Variants in TENM3 observed in about 807,000 individuals in gnomAD.
TENM3 encodes the protein teneurin transmembrane protein 3.
A neutral mutation model predicts 255.1 loss-of-function variants in TENM3; 63 were observed. The ratio of observed to expected loss-of-function variants is 0.25; its 90% CI spans 0.20 to 0.30. The LOEUF is 0.30. Ranked by LOEUF, TENM3 falls within the 10% of genes least tolerant of loss-of-function variation. The pLI is 1.00. For missense variants in TENM3, 2,929 were observed against 3,461.1 expected, an observed-to-expected ratio of 0.85 and a Z score of 3.86; for synonymous variants, 1,306 against 1,322.3, an observed-to-expected ratio of 0.99 and a Z score of 0.27.
chr4:181,477,320 T>A, the TENM3 span, among the ~76,000 whole-genome samples: 1 of 152,164 alleles, frequency 6.6e-6, no homozygotes, highest in South Asian at 2.1e-4. Context: ...TAGCTGTAAT[T>A]TTCATACTTG....
chr4:182,176,487 T>C (rs1752494801), intron 1 of TENM3, among the ~76,000 whole-genome samples: 1 of 152,262 alleles, frequency 6.6e-6, no homozygotes, highest in African/African-American at 2.4e-5. Flanking sequence ...TTATTATTAC[T>C]GTTATTATAG....
chr4:181,789,290 C>A, the TENM3 span, among the ~76,000 whole-genome samples: 1 of 151,014 alleles, frequency 6.6e-6, no homozygotes, highest in African/African-American at 2.4e-5. Flanking sequence ...GAGTCTTACT[C>A]TGTCACCCAG....
chr4:181,503,637 A>G, the TENM3 span, among the ~76,000 whole-genome samples: 1 of 152,148 alleles, frequency 6.6e-6, no homozygotes, highest in Admixed American at 6.5e-5. Context: ...CCTCAGGCAG[A>G]GGATGGGGAG....
chr4:181,830,172 C>G, the TENM3 span, among the ~76,000 whole-genome samples: 1 of 152,158 alleles, frequency 6.6e-6, no homozygotes, highest in Non-Finnish European at 1.5e-5. Context: ...GTGAGCTTTT[C>G]AAGAGTGCTA....
At chr4:181,564,028 C>CTTTTTTTTTTTTT in the TENM3 span, among the ~76,000 whole-genome samples, 3 of 94,702 alleles carry the variant, frequency 3.2e-5, no homozygotes, top group African/African-American at 8.4e-5. Context: ...CTTTTCTTTT[C>CTTTTTTTTTTTTT]TTTTCTTTTT....
the TENM3 span, among the ~76,000 whole-genome samples, chr4:181,488,835 G>C: frequency 6.6e-6 from 1 of 152,050 alleles, no homozygotes; most frequent in Non-Finnish European, 1.5e-5. Context: ...AAATAATACC[G>C]CTTGTTAAAT....
At chr4:181,893,114 C>A in the TENM3 span, among the ~76,000 whole-genome samples, 1 of 152,038 alleles carries the variant, frequency 6.6e-6, no homozygotes, top group Non-Finnish European at 1.5e-5. Flanking sequence ...ATTCCGTATT[C>A]CCAGAGATGT....
At chr4:181,770,048 C>CG in the TENM3 span, among the ~76,000 whole-genome samples, 1 of 152,054 alleles carries the variant, frequency 6.6e-6, no homozygotes, top group Non-Finnish European at 1.5e-5. Context: ...CCAGTTACAA[C>CG]GGGGAAGCGG....
chr4:182,608,516 G>A (rs532803842), intron 4 of TENM3, among the ~76,000 whole-genome samples: 174 of 152,326 alleles, frequency 1.1e-3, no homozygotes, highest in African/African-American at 4.1e-3. Flanking sequence ...AGTTACAGGT[G>A]TCAGGAGAGC....
At chr4:182,218,094 C>A (rs966354397) in intron 1 of TENM3, among the ~76,000 whole-genome samples, 2 of 152,202 alleles carry the variant, frequency 1.3e-5, no homozygotes, top group Non-Finnish European at 2.9e-5. Flanking sequence ...AATAGGTCCT[C>A]TTTTATGGAT....
the TENM3 span, among the ~76,000 whole-genome samples, chr4:181,728,742 T>C: frequency 9.2e-5 from 14 of 152,140 alleles, no homozygotes; most frequent in Admixed American, 3.3e-4. Flanking sequence ...ACCTCCTATC[T>C]CACCCTGTGA....
chr4:181,671,551 G>A, the TENM3 span, among the ~76,000 whole-genome samples: 3 of 152,240 alleles, frequency 2.0e-5, no homozygotes, highest in African/African-American at 7.2e-5. Context: ...CTGCCTCACA[G>A]AGTCAGTAGC....
At chr4:182,571,161 G>A (rs1334227194) in intron 3 of TENM3, among the ~76,000 whole-genome samples, 2 of 152,152 alleles carry the variant, frequency 1.3e-5, no homozygotes, top group African/African-American at 2.4e-5. Context: ...ACGTGTAAAG[G>A]CCCAGGCTAT....
In TENM3 at chr4:182,668,352, A is replaced by G. The variant is rs181041152; in HGVS notation, c.1112-4653A>G. ...ACATGAATGTTATTGAGGGTCTATT[A>G]ATAGAAATTAATCTCCTACCCCGTT... is the stretch of plus-strand genomic sequence containing the variant. On this transcript the variant is annotated intron_variant, in intron 6 of 27. Transcript: ENST00000511685. 6.6e-5 allele frequency among the ~76,000 whole-genome samples: 10 copies of G among 152,230 alleles called. No individual in the cohort carries two copies. In the East Asian group the frequency reaches 1.9e-3, roughly 29 times the overall value.
the TENM3 span, among the ~76,000 whole-genome samples, chr4:181,641,339 C>T: frequency 6.6e-6 from 1 of 151,286 alleles, no homozygotes; most frequent in South Asian, 2.1e-4. Flanking sequence ...GCCCTAGCTC[C>T]CCACCCCCGG....
chr4:182,697,683 C>T (rs990237170), intron 12 of TENM3, among the ~76,000 whole-genome samples: 1 of 152,166 alleles, frequency 6.6e-6, no homozygotes, highest in Non-Finnish European at 1.5e-5. Context: ...GGCAGCTATC[C>T]ACTGGGGGCC....
chr4:182,497,780 AAC>A lies in TENM3; in HGVS notation c.512-103142_512-103141del, dbSNP rs1735916478. ...AAAAGCAATCAGAGGTAGACATTTA[AAC>A]ATAGATTATGTAGACACGTGATGTA... On this transcript the variant is annotated intron_variant, in intron 3 of 27. Transcript: ENST00000511685. Among the ~76,000 whole-genome samples the A allele has an allele frequency of 2.0e-5, 3 of 151,342 alleles. No homozygotes were observed. The South Asian group carries it at 6.3e-4, about 32-fold the overall frequency.
the TENM3 span, among the ~76,000 whole-genome samples, chr4:181,982,933 T>C: frequency 4.6e-5 from 7 of 152,054 alleles, no homozygotes; most frequent in Admixed American, 3.9e-4. Context: ...TACCTGAAGG[T>C]TGGGGGTCGA....
At chr4:182,761,774 T>A (rs532074934) in intron 22 of TENM3, among the ~76,000 whole-genome samples, 1 of 152,230 alleles carries the variant, frequency 6.6e-6, no homozygotes, top group Admixed American at 6.5e-5. Flanking sequence ...GAAAATTCTA[T>A]TTTTGATAGA....
Sources: allele counts gnomAD v4.1 joint callset (sites outside exome capture counted in the v4.1 genomes callset), GRCh38; gene constraint gnomAD v4.1.1; transcripts MANE v1.5; gene names NCBI Gene and HGNC (gene_info 2026-07-23, HGNC 2026-07-21).